The following ADAMTSL1 variants were observed in gnomAD, a reference collection of about 807,000 sequenced individuals.
ADAMTSL1 encodes ADAMTS-like protein 1.
ADAMTSL1 carries 126 observed loss-of-function variants against 201.8 expected under a neutral mutation model. The observed-to-expected ratio is 0.62, with a 90% CI of 0.54 to 0.72. The LOEUF (loss-of-function observed/expected upper bound fraction) is 0.72. ADAMTSL1 is among the 30% of genes least tolerant of loss of function. ADAMTSL1 has a pLI of 0.00. For missense variants in ADAMTSL1, 2,679 were observed against 2,277.8 expected (o/e 1.18, Z -3.59); for synonymous variants, 1,121 against 903.4 (o/e 1.24, Z -4.32).
At chr9:18,274,639 T>C (rs114834524) in intron 2 of ADAMTSL1, among the ~76,000 whole-genome samples, 1 of 152,170 alleles carries the variant, frequency 6.6e-6, no homozygotes. Context: ...ATTTTTATTA[T>C]ATAATAAGTG....
intron 1 of ADAMTSL1, among the ~76,000 whole-genome samples, chr9:18,154,156 G>T (rs117832560): frequency 6.6e-6 from 1 of 151,982 alleles, no homozygotes; most frequent in Admixed American, 6.6e-5. Flanking sequence ...GAAAGCAAAC[G>T]TGGGTTATGA....
chr9:17,920,915 G>T (rs1201047340), intron 1 of ADAMTSL1, among the ~76,000 whole-genome samples: 1 of 152,212 alleles, frequency 6.6e-6, no homozygotes, highest in Non-Finnish European at 1.5e-5. Flanking sequence ...GCCATCGTTT[G>T]CAGACCCCTG....
chr9:18,888,763 G>C lies in ADAMTSL1; in HGVS notation c.4462+720G>C, dbSNP rs142734454. ...ATGAAGGATGTGATGGGAAGGGACA[G>C]AGTTTTGTGCCAATACGGCACAAAA... On this transcript the variant is annotated intron_variant, in intron 24 of 28. Transcript: ENST00000380548. Among the ~76,000 whole-genome samples the C allele has an allele frequency of 7.5e-4, 115 of 152,322 alleles. 1 individual carries two copies. Among genetic ancestry groups the C allele is most frequent in the African/African-American group, 2.5e-3 (102 of 41,570 alleles).
intron 23 of ADAMTSL1, among the ~76,000 whole-genome samples, chr9:18,868,657 G>C (rs959339431): frequency 6.6e-5 from 10 of 152,158 alleles, no homozygotes; most frequent in South Asian, 2.1e-4. Context: ...CTTCCTGGTT[G>C]CTCTTTGCTA....
At chr9:18,897,170 C>T (rs991770869) in intron 26 of ADAMTSL1, among the ~76,000 whole-genome samples, 28 of 152,206 alleles carry the variant, frequency 1.8e-4, no homozygotes, top group East Asian at 9.6e-4. Flanking sequence ...GGCCTCCCTG[C>T]GGGAATTTCA....
intron 1 of ADAMTSL1, among the ~76,000 whole-genome samples, chr9:18,073,122 C>T (rs1054870547): frequency 1.3e-5 from 2 of 152,200 alleles, no homozygotes; most frequent in Non-Finnish European, 2.9e-5. Context: ...AACAGGCTCA[C>T]CAGGCCTGCC....
intron 1 of ADAMTSL1, among the ~76,000 whole-genome samples, chr9:18,031,178 A>G (rs562490396): frequency 8.5e-5 from 13 of 152,318 alleles, no homozygotes; most frequent in Non-Finnish European, 1.9e-4. Flanking sequence ...GAATCTGGCT[A>G]GGGAATTACC....
chr9:18,408,531 A>C (rs1429960133), intron 2 of ADAMTSL1, among the ~76,000 whole-genome samples: 2 of 152,180 alleles, frequency 1.3e-5, no homozygotes, highest in African/African-American at 4.8e-5. Flanking sequence ...GCTGGTCACT[A>C]TACTGGGCCC....
chr9:18,228,286 A>T (rs1830504979), intron 2 of ADAMTSL1, among the ~76,000 whole-genome samples: 1 of 152,174 alleles, frequency 6.6e-6, no homozygotes, highest in South Asian at 2.1e-4. Context: ...AGTTATGGGC[A>T]CTTGGGCACT....
intron 1 of ADAMTSL1, among the ~76,000 whole-genome samples, chr9:18,025,789 A>C (rs914485847): frequency 6.6e-6 from 1 of 151,994 alleles, no homozygotes; most frequent in African/African-American, 2.4e-5. Flanking sequence ...ATTCTCTGAG[A>C]AATTATATTG....
chr9:18,361,940 G>A (rs1586972276), intron 2 of ADAMTSL1: 1 of 152,136 alleles, frequency 6.6e-6, no homozygotes, highest in African/African-American at 2.4e-5. Context: ...GGACAGAAGG[G>A]GAGCATAAAA....
intron 19 of ADAMTSL1, among the ~76,000 whole-genome samples, chr9:18,793,462 G>T (rs1822179384): frequency 6.6e-6 from 1 of 152,166 alleles, no homozygotes; most frequent in African/African-American, 2.4e-5. Flanking sequence ...TGCTGGGGCA[G>T]ACCTGACTTC....
chr9:18,904,404 G>T (rs542445714), intron 26 of ADAMTSL1, among the ~76,000 whole-genome samples: 1 of 152,176 alleles, frequency 6.6e-6, no homozygotes, highest in African/African-American at 2.4e-5. Context: ...GAGAGGCAGA[G>T]GTTGCAGTAA....
intron 2 of ADAMTSL1, among the ~76,000 whole-genome samples, chr9:18,283,895 G>A (rs886257364): frequency 1.1e-4 from 10 of 95,122 alleles, no homozygotes; most frequent in African/African-American, 4.6e-4. Context: ...TCTAGCCTGG[G>A]CAACAGAGCA....
intron 2 of ADAMTSL1, among the ~76,000 whole-genome samples, chr9:18,207,805 T>G (rs1829716414): frequency 6.6e-6 from 1 of 151,084 alleles, no homozygotes; most frequent in African/African-American, 2.4e-5. Context: ...TACAGAGTGT[T>G]AAAAAAGAAA....
At chr9:18,616,234 A>G (rs980588551) in intron 4 of ADAMTSL1, among the ~76,000 whole-genome samples, 1 of 152,220 alleles carries the variant, frequency 6.6e-6, no homozygotes, top group Non-Finnish European at 1.5e-5. Flanking sequence ...CATACTGGCC[A>G]GGCTGGTCTC....
intron 1 of ADAMTSL1, among the ~76,000 whole-genome samples, chr9:17,923,541 T>C (rs968879295): frequency 8.6e-5 from 13 of 151,770 alleles, no homozygotes; most frequent in African/African-American, 2.9e-4. Context: ...CAATGGGGTT[T>C]TCTAGATATA....
chr9:18,893,501 G>A (rs1829426179), intron 26 of ADAMTSL1, among the ~76,000 whole-genome samples: 1 of 152,262 alleles, frequency 6.6e-6, no homozygotes, highest in African/African-American at 2.4e-5. Flanking sequence ...GAGCTTTAAT[G>A]TGAATCACCT....
chr9:18,087,511 C>A (rs1823818340), intron 1 of ADAMTSL1, among the ~76,000 whole-genome samples: 1 of 152,024 alleles, frequency 6.6e-6, no homozygotes, highest in African/African-American at 2.4e-5. Flanking sequence ...TAAAACAAAT[C>A]TCTTCATAAA....
Sources: allele counts gnomAD v4.1 joint callset (sites outside exome capture counted in the v4.1 genomes callset), GRCh38; gene constraint gnomAD v4.1.1; transcripts MANE v1.5; gene names NCBI Gene and HGNC (gene_info 2026-07-23, HGNC 2026-07-21).